SERINC5: variants seen among roughly 807,000 people sequenced by gnomAD.
The protein encoded by SERINC5 is serine incorporator 5, also known as chromosome 5 open reading frame 12.
SERINC5 carries 41 observed loss-of-function variants against 63.1 expected under a neutral mutation model. The ratio of observed to expected loss-of-function variants is 0.65; its 90% CI spans 0.51 to 0.84. The LOEUF is 0.84. SERINC5 is among the 40% of genes least tolerant of loss of function. The pLI is 0.00. For synonymous variants in SERINC5, 222 were observed against 215.2 expected (o/e 1.03, Z -0.28); for missense variants, 523 against 573.0 (o/e 0.91, Z 0.89).
In SERINC5 at chr5:80,198,480, G is replaced by A. The variant is rs1294387703; in HGVS notation, c.195+4406C>T. On this transcript the variant is annotated intron_variant, in intron 2 of 11. Coordinates refer to ENST00000507668, the MANE Select transcript of SERINC5 (RefSeq NM_001174072.3). ...AATAACTGACAAGGGAGCTGCCCTT[G>A]CGCTCCTAACCCACATACCAAAGAC... is the stretch of plus-strand genomic sequence containing the variant. The A allele has an allele frequency of 1.4e-5, 14 of 968,932 alleles. No individual in the cohort carries two copies. In the Admixed American group the frequency reaches 8.6e-4, roughly 60 times the overall value. 60.0% of individuals were successfully genotyped at this position (968,932 alleles called of 1,614,324 possible).
intron 7 of SERINC5, 69 bp from the exon 8 acceptor site, chr5:80,159,031 T>A: frequency 6.4e-7 from 1 of 1,571,670 alleles, no homozygotes; most frequent in South Asian, 1.1e-5. Context: ...GAAGCACTCA[T>A]TTTGGGAAAA....
intron 8 of SERINC5, among the ~76,000 whole-genome samples, chr5:80,151,827 G>A (rs1026937838): frequency 1.3e-5 from 2 of 152,156 alleles, no homozygotes; most frequent in African/African-American, 4.8e-5. Flanking sequence ...CTTCTGTGCT[G>A]GCCTGACATG....
intron 11 of SERINC5, among the ~76,000 whole-genome samples, chr5:80,118,714 A>AT (rs34814066): frequency 0.27 from 28,709 of 108,176 alleles, 4,284 homozygotes; most frequent in Middle Eastern, 0.32. Context: ...TGTCCAGCTA[A>AT]TTTTTTTTTT....
At chr5:80,206,285 C>T (rs543385067) in intron 1 of SERINC5, among the ~76,000 whole-genome samples, 4 of 152,312 alleles carry the variant, frequency 2.6e-5, no homozygotes, top group African/African-American at 9.6e-5. Context: ...ACACCATAAA[C>T]ATCACTTACA....
chr5:80,114,521 G>T, intron 11 of SERINC5: 1 of 202,698 alleles, frequency 4.9e-6, no homozygotes, highest in Non-Finnish European at 1.1e-5. Flanking sequence ...CACCATGGTG[G>T]CACATGCCTG....
chr5:80,231,252 T>C (rs764921837), intron 1 of SERINC5, among the ~76,000 whole-genome samples: 5 of 152,168 alleles, frequency 3.3e-5, no homozygotes, highest in Non-Finnish European at 5.9e-5. Context: ...TAAATGAAAA[T>C]ATTAAATAAA....
intron 5 of SERINC5, among the ~76,000 whole-genome samples, chr5:80,173,318 G>A (rs568182820): frequency 1.8e-4 from 28 of 152,120 alleles, no homozygotes; most frequent in East Asian, 3.9e-4. Context: ...AAAAGAAGCC[G>A]GGTGCAGTGG....
At chr5:80,145,956 G>A (rs955848402) in intron 11 of SERINC5, 134 bp downstream of exon 11, 14 of 875,114 alleles carry the variant, frequency 1.6e-5, no homozygotes, top group Non-Finnish European at 2.5e-5. Flanking sequence ...GTTGCAGTGA[G>A]CCAGGATCGT....
intron 1 of SERINC5, among the ~76,000 whole-genome samples, chr5:80,242,473 G>A (rs375882394): frequency 7.5e-5 from 11 of 146,150 alleles, no homozygotes; most frequent in African/African-American, 2.6e-4. Flanking sequence ...CAAAAATTAG[G>A]CCAGGCGCAG....
At chr5:80,138,129 C>T (rs1745287585), downstream of SERINC5, among the ~76,000 whole-genome samples, 2 of 150,524 alleles carry the variant, frequency 1.3e-5, no homozygotes, top group Admixed American at 1.3e-4. Context: ...CTAAGTTTGA[C>T]TTAAGAGATG....
intron 8 of SERINC5, chr5:80,158,051 T>A (rs571210613): frequency 1.3e-5 from 2 of 152,196 alleles, no homozygotes; most frequent in African/African-American, 4.8e-5. Context: ...TTCAATGGAA[T>A]TGAATTTTTA....
intron 1 of SERINC5, among the ~76,000 whole-genome samples, chr5:80,239,949 A>G (rs919441161): frequency 6.6e-6 from 1 of 152,190 alleles, no homozygotes; most frequent in East Asian, 1.9e-4. Flanking sequence ...CAGTGGGGCC[A>G]GCTCTCTCCC....
rs547424806 is a variant in SERINC5, at chr5:80,143,607, A to G, written c.*56T>C. 1,283 of 1,522,848 alleles carry G rather than the reference A, an allele frequency of 8.4e-4. 1 individual carries two copies. The highest frequency in any genetic ancestry group is 1.0e-3 in the Non-Finnish European group (1,190 of 1,137,200). 94.3% of individuals were successfully genotyped at this position (1,522,848 alleles called of 1,614,324 possible). A position where few individuals can be genotyped will look rare whatever the true frequency, so the allele number is the denominator to read the frequency against. On this transcript the variant is annotated 3_prime_UTR_variant, in exon 12 of 12. Transcript: ENST00000507668. Reference sequence around the variant, plus strand: ...GTCCCTGCCCCGGGGACACTGTTCAAAAGATGGCACTTTCCAGGCTGTAGG... The same window carrying G: ...GTCCCTGCCCCGGGGACACTGTTCAGAAGATGGCACTTTCCAGGCTGTAGG...
chr5:80,204,854 G>C (rs1256227896), intron 1 of SERINC5, among the ~76,000 whole-genome samples: 2 of 152,184 alleles, frequency 1.3e-5, no homozygotes, highest in East Asian at 3.8e-4. Flanking sequence ...ATACAAATAA[G>C]AGTTGCCTGG....
At chr5:80,117,939 A>G (rs1744397927) in intron 11 of SERINC5, among the ~76,000 whole-genome samples, 1 of 151,962 alleles carries the variant, frequency 6.6e-6, no homozygotes, top group African/African-American at 2.4e-5. Context: ...ATGGTGGCTC[A>G]TGCCTGTAAT....
At chr5:80,212,665 T>TGG (rs752075084) in intron 1 of SERINC5, among the ~76,000 whole-genome samples, 1,102 of 50,082 alleles carry the variant, frequency 0.022, 11 homozygotes, top group African/African-American at 0.037. Flanking sequence ...AGTGGTGGGG[T>TGG]GGGGGGGGGG....
intron 7 of SERINC5, among the ~76,000 whole-genome samples, chr5:80,160,616 G>A (rs1746821235): frequency 6.6e-6 from 1 of 152,100 alleles, no homozygotes; most frequent in Middle Eastern, 3.2e-3. Context: ...ACATGTAGTG[G>A]TGAAGTCTTG....
intron 2 of SERINC5, among the ~76,000 whole-genome samples, chr5:80,179,299 A>C (rs1748268190): frequency 6.6e-6 from 1 of 151,962 alleles, no homozygotes; most frequent in Admixed American, 6.5e-5. Flanking sequence ...ACTCTGTCCC[A>C]AAAAAAGAAA....
intron 1 of SERINC5, among the ~76,000 whole-genome samples, chr5:80,223,144 G>A (rs570754805): frequency 3.2e-3 from 480 of 152,294 alleles, no homozygotes; most frequent in African/African-American, 0.011. Context: ...GGCATGAGCC[G>A]CTGTGCCCAG....
Sources: allele counts gnomAD v4.1 joint callset (sites outside exome capture counted in the v4.1 genomes callset), GRCh38; gene constraint gnomAD v4.1.1; transcripts MANE v1.5; gene names NCBI Gene and HGNC (gene_info 2026-07-23, HGNC 2026-07-21).